Variants in DRC4 observed in about 807,000 individuals in gnomAD.
The protein encoded by DRC4 is dynein regulatory complex subunit 4, also known as GAS-11.
At chr16:90,035,017 C>T in the DRC4 span, among the ~76,000 whole-genome samples, 3 of 150,316 alleles carry the variant, frequency 2.0e-5, no homozygotes, top group African/African-American at 7.3e-5. Context: ...TATTCTCCTG[C>T]CTCAGCCTCT....
At chr16:90,022,900 G>T in the DRC4 span, among the ~76,000 whole-genome samples, 1 of 152,180 alleles carries the variant, frequency 6.6e-6, no homozygotes, top group African/African-American at 2.4e-5. Context: ...GGATGCTCCC[G>T]GCCCCGGGGC....
the DRC4 span, among the ~76,000 whole-genome samples, chr16:90,025,525 C>G: frequency 1.3e-4 from 20 of 151,004 alleles, no homozygotes; most frequent in Admixed American, 5.9e-4. Context: ...TGGTGGGCAC[C>G]TGTAATCCCA....
At chr16:90,027,620 A>G in the DRC4 span, 53 of 1,613,554 alleles carry the variant, frequency 3.3e-5, no homozygotes, top group African/African-American at 5.3e-5. Flanking sequence ...CTCTTACCCC[A>G]TTATTTCCAC....
the DRC4 span, chr16:90,027,647 G>C: frequency 4.3e-6 from 7 of 1,613,862 alleles, no homozygotes; most frequent in Non-Finnish European, 5.9e-6. Flanking sequence ...CACCGAAAAA[G>C]AAAGGGAAGA....
At chr16:90,025,524 C>G in the DRC4 span, among the ~76,000 whole-genome samples, 5 of 151,102 alleles carry the variant, frequency 3.3e-5, no homozygotes, top group East Asian at 9.9e-4. Context: ...GTGGTGGGCA[C>G]CTGTAATCCC....
chr16:90,027,639 C>G, the DRC4 span: 1 of 1,614,052 alleles, frequency 6.2e-7, no homozygotes, highest in Non-Finnish European at 8.5e-7. Flanking sequence ...ACCAAAGGCA[C>G]CGAAAAAGAA....
chr16:90,027,775 C>T, the DRC4 span: 36 of 1,508,328 alleles, frequency 2.4e-5, no homozygotes, highest in Non-Finnish European at 3.0e-5. Context: ...GCGGGCACCA[C>T]GCAGGGTGCC....
At chr16:90,026,564 A>G in the DRC4 span, among the ~76,000 whole-genome samples, 7 of 152,182 alleles carry the variant, frequency 4.6e-5, no homozygotes, top group Non-Finnish European at 7.3e-5. Context: ...GTGGTCACCA[A>G]TGTTGCCGCC....
the DRC4 span, among the ~76,000 whole-genome samples, chr16:90,033,804 G>C: frequency 6.6e-6 from 1 of 151,958 alleles, no homozygotes; most frequent in Non-Finnish European, 1.5e-5. Context: ...AAACGTGCCA[G>C]ATACAACAGA....
the DRC4 span, chr16:90,042,587 G>A: frequency 3.3e-6 from 5 of 1,499,626 alleles, no homozygotes; most frequent in South Asian, 1.1e-5. Flanking sequence ...TGCCCAGACT[G>A]TTCTAAATGC....
chr16:90,027,766 C>T, the DRC4 span: 12 of 1,366,440 alleles, frequency 8.8e-6, no homozygotes, highest in Admixed American at 1.7e-5. Context: ...TGGGCGTGGG[C>T]GGGCACCACG....
chr16:90,026,368 C>T, the DRC4 span, among the ~76,000 whole-genome samples: 4 of 152,152 alleles, frequency 2.6e-5, no homozygotes, highest in African/African-American at 9.6e-5. Context: ...ATGTGCAGTT[C>T]CGTCTGGCAG....
At chr16:90,030,147 C>G in the DRC4 span, among the ~76,000 whole-genome samples, 6 of 152,156 alleles carry the variant, frequency 3.9e-5, 1 homozygote, top group South Asian at 1.0e-3. Flanking sequence ...CGCAATTGAA[C>G]CCTCTTGAGA....
chr16:90,022,436 G>T, the DRC4 span, among the ~76,000 whole-genome samples: 1 of 152,220 alleles, frequency 6.6e-6, no homozygotes, highest in South Asian at 2.1e-4. Flanking sequence ...GAAGTGAAGG[G>T]TTCCCCCCTC....
the DRC4 span, among the ~76,000 whole-genome samples, chr16:90,025,997 TG>T: frequency 8.5e-5 from 13 of 152,102 alleles, no homozygotes; most frequent in Non-Finnish European, 1.8e-4. Flanking sequence ...TGAACTCCTG[TG>T]GTCCCAGCTC....
the DRC4 span, chr16:90,040,220 G>C: frequency 5.9e-6 from 8 of 1,365,842 alleles, no homozygotes; most frequent in Non-Finnish European, 8.1e-6. Flanking sequence ...GGCAGGTGCA[G>C]AGGTGGGAGG....
chr16:90,031,312 T>C, the DRC4 span: 1 of 1,612,768 alleles, frequency 6.2e-7, no homozygotes, highest in South Asian at 1.1e-5. Context: ...GAGGAGCATG[T>C]CAGCCGCATC....
chr16:90,041,564 G>C, the DRC4 span, among the ~76,000 whole-genome samples: 1 of 152,198 alleles, frequency 6.6e-6, no homozygotes, highest in Non-Finnish European at 1.5e-5. Flanking sequence ...CCAGCACTTT[G>C]GGAGGCTGAG....
At chr16:90,043,645 C>A in the DRC4 span, 2 of 574,668 alleles carry the variant, frequency 3.5e-6, no homozygotes, top group East Asian at 4.1e-5. Context: ...GCCCCGCACT[C>A]ACCTGGGGGT....
Sources: gnomAD v4.1 joint callset for allele counts (sites outside exome capture counted in the v4.1 genomes callset) on GRCh38, gnomAD v4.1.1 for gene constraint, MANE v1.5 for transcripts, NCBI Gene and HGNC (gene_info 2026-07-23, HGNC 2026-07-21) for gene names.